CDKL4: variants seen among roughly 807,000 people sequenced by gnomAD.
CDKL4 encodes the protein cyclin dependent kinase like 4.
Under a neutral mutation model 42.0 loss-of-function variants are expected in CDKL4, and 44 were observed. That is an observed-to-expected ratio of 1.05 (90% CI 0.82 to 1.35). The LOEUF is 1.35. CDKL4 is among the 40% of genes most tolerant of loss of function. The probability of loss-of-function intolerance (pLI) is 0.00; values close to 1 mark genes in which losing one functional copy is unlikely to be tolerated. For missense variants in CDKL4, 393 were observed against 369.9 expected, an observed-to-expected ratio of 1.06 and a Z score of -0.51; for synonymous variants, 120 against 121.6, an observed-to-expected ratio of 0.99 and a Z score of 0.09.
chr2:39,227,679 C>A (rs1259921853), intron 2 of CDKL4, among the ~76,000 whole-genome samples: 1 of 152,198 alleles, frequency 6.6e-6, no homozygotes, highest in Non-Finnish European at 1.5e-5. Flanking sequence ...TCTAAAAAGC[C>A]AGTGGCTTTG....
Position 39,185,168 on chromosome 2 carries a change from ATATATATACATATGTG to A in CDKL4, c.736-537_736-522del, listed in dbSNP as rs1385801223. Among the ~76,000 whole-genome samples, 130 of 127,228 alleles carry A rather than the reference ATATATATACATATGTG, an allele frequency of 1.0e-3. 2 individuals are homozygous for A. Among genetic ancestry groups the A allele is most frequent in the African/African-American group, 3.9e-3 (121 of 31,298 alleles). 83.5% of individuals were successfully genotyped at this position (127,228 alleles called of 152,430 possible). A position where few individuals can be genotyped will look rare whatever the true frequency, so the allele number is the denominator to read the frequency against. On this transcript the variant is annotated intron_variant, in intron 7 of 9. Transcript: ENST00000451199. ...TATGTGTATATATATACACATATGT[ATATATATACATATGTG>A]TATATACATATATATACACATACGT...
intron 3 of CDKL4, among the ~76,000 whole-genome samples, chr2:39,213,736 T>TA (rs1411098959): frequency 3.3e-5 from 5 of 150,662 alleles, no homozygotes; most frequent in South Asian, 2.1e-4. Flanking sequence ...AGTAAAGGAA[T>TA]AAAAAAAAGA....
the CDKL4 span, among the ~76,000 whole-genome samples, chr2:39,170,292 AAAAG>A: frequency 2.9e-5 from 4 of 136,028 alleles, no homozygotes; most frequent in Admixed American, 2.2e-4. Context: ...AAAAAAAAAA[AAAAG>A]AAAGAAAAGA....
chr2:39,244,390 C>T (rs1192586173), upstream of CDKL4, among the ~76,000 whole-genome samples: 1 of 152,244 alleles, frequency 6.6e-6, no homozygotes, highest in African/African-American at 2.4e-5. Flanking sequence ...GCTCTGCCGA[C>T]CCCGGGCAAT....
intron 1 of CDKL4, among the ~76,000 whole-genome samples, chr2:39,231,556 AG>A (rs1363534050): frequency 6.6e-6 from 1 of 152,238 alleles, no homozygotes; most frequent in Non-Finnish European, 1.5e-5. Flanking sequence ...CTCTTATTAA[AG>A]AAAGAAAATT....
chr2:39,228,576 A>G (rs1678899935), intron 2 of CDKL4, among the ~76,000 whole-genome samples: 1 of 152,204 alleles, frequency 6.6e-6, no homozygotes, highest in Non-Finnish European at 1.5e-5. Flanking sequence ...CCCACAAACC[A>G]GCAGCTTCCG....
chr2:39,168,831 A>C, the CDKL4 span, among the ~76,000 whole-genome samples: 1 of 150,326 alleles, frequency 6.7e-6, no homozygotes, highest in African/African-American at 2.4e-5. Context: ...ATCTCAGCTC[A>C]CTGCAACCTC....
downstream of CDKL4, among the ~76,000 whole-genome samples, chr2:39,174,771 T>C (rs1675101206): frequency 6.6e-6 from 1 of 152,238 alleles, no homozygotes; most frequent in Admixed American, 6.5e-5. Flanking sequence ...TATTATTTTA[T>C]ATGAGTTCCT....
At chr2:39,246,499 C>T (rs1679919350), upstream of CDKL4, among the ~76,000 whole-genome samples, 1 of 152,218 alleles carries the variant, frequency 6.6e-6, no homozygotes, top group Non-Finnish European at 1.5e-5. Context: ...CATAAGGAGG[C>T]TCTTCACAAC....
chr2:39,205,723 G>C lies in CDKL4; in HGVS notation c.364-1106C>G, dbSNP rs867105195. On this transcript the variant is annotated intron_variant, in intron 4 of 9. Transcript: ENST00000451199. ...TGCGGTGAGCCAAGATGGTGCCACTGCACTCCAGCCTGGACGACGGAGCGA... is the reference window on the plus strand; with the variant it reads ...TGCGGTGAGCCAAGATGGTGCCACTCCACTCCAGCCTGGACGACGGAGCGA... Among the ~76,000 whole-genome samples, 13 of 123,144 alleles carry C rather than the reference G, an allele frequency of 1.1e-4. No homozygotes were observed. In the South Asian group the frequency reaches 1.6e-3, roughly 15 times the overall value. 80.8% of individuals were successfully genotyped at this position (123,144 alleles called of 152,430 possible).
At chr2:39,218,372 G>A (rs1213776670) in intron 3 of CDKL4, among the ~76,000 whole-genome samples, 1 of 152,126 alleles carries the variant, frequency 6.6e-6, no homozygotes, top group East Asian at 1.9e-4. Context: ...ATAATGGTGA[G>A]TGTCTGTGGT....
At chr2:39,204,091 C>T (rs1028881474) in intron 5 of CDKL4, among the ~76,000 whole-genome samples, 2 of 152,192 alleles carry the variant, frequency 1.3e-5, no homozygotes, top group Admixed American at 6.6e-5. Context: ...TGAATCCTCT[C>T]TCTTTAATTT....
At chr2:39,217,728 ATTTATTTATTTATTTATTTT>A (rs1384624615) in intron 3 of CDKL4, among the ~76,000 whole-genome samples, 1 of 145,920 alleles carries the variant, frequency 6.9e-6, no homozygotes, top group African/African-American at 2.7e-5. Flanking sequence ...TTATTTATTT[ATTTATTTATTTATTTATTTT>A]TTGAGATAGA....
intron 2 of CDKL4, 61 bp from the exon 3 acceptor site, chr2:39,226,021 A>T (rs961320809): frequency 8.1e-6 from 12 of 1,480,790 alleles, no homozygotes; most frequent in Middle Eastern, 2.4e-4. Flanking sequence ...TTCTACCCAG[A>T]CCCCTTAAAG....
chr2:39,208,849 T>G (rs1677384778), intron 4 of CDKL4, among the ~76,000 whole-genome samples: 1 of 152,056 alleles, frequency 6.6e-6, no homozygotes, highest in South Asian at 2.1e-4. Context: ...CAATAAATCA[T>G]TTTTTTTATT....
At chr2:39,245,789 T>C (rs1314254454), upstream of CDKL4, among the ~76,000 whole-genome samples, 1 of 152,208 alleles carries the variant, frequency 6.6e-6, no homozygotes, top group African/African-American at 2.4e-5. Flanking sequence ...TCGGTCTTGT[T>C]TAATTATCCA....
chr2:39,232,518 T>C (rs1679135533), intron 1 of CDKL4, among the ~76,000 whole-genome samples: 1 of 152,210 alleles, frequency 6.6e-6, no homozygotes, highest in Admixed American at 6.5e-5. Flanking sequence ...TTCTTTCTTA[T>C]CCTCTGTCCA....
At chr2:39,195,054 A>G (rs550887967) in intron 5 of CDKL4, among the ~76,000 whole-genome samples, 1 of 152,328 alleles carries the variant, frequency 6.6e-6, no homozygotes, top group South Asian at 2.1e-4. Context: ...CGTAAATAGA[A>G]TCATACGATA....
chr2:39,221,313 C>A (rs966280771), intron 3 of CDKL4, among the ~76,000 whole-genome samples: 23 of 152,268 alleles, frequency 1.5e-4, no homozygotes, highest in African/African-American at 4.8e-4. Flanking sequence ...CTGCGCCCGT[C>A]CACATTGATG....
Sources: allele counts gnomAD v4.1 joint callset (sites outside exome capture counted in the v4.1 genomes callset), GRCh38; gene constraint gnomAD v4.1.1; transcripts MANE v1.5; gene names NCBI Gene and HGNC (gene_info 2026-07-23, HGNC 2026-07-21).